Variants in HIVEP2 observed in about 807,000 individuals in gnomAD.
HIVEP2 encodes transcription factor HIVEP2.
HIVEP2 carries 14 observed loss-of-function variants against 180.7 expected under a neutral mutation model. That is an observed-to-expected ratio of 0.08 (90% CI 0.05 to 0.12). The LOEUF is 0.12. Among genes scored for constraint, HIVEP2 ranks in the 10% least tolerant of loss-of-function variants. The pLI is 1.00. For synonymous variants in HIVEP2, 1,184 were observed against 1,136.4 expected (o/e 1.04, Z -0.84); for missense variants, 2,579 against 3,008.5 (o/e 0.86, Z 3.34).
chr6:142,915,364 A>G (rs1182946227), intron 1 of HIVEP2, among the ~76,000 whole-genome samples: 1 of 152,148 alleles, frequency 6.6e-6, no homozygotes, highest in Non-Finnish European at 1.5e-5. Flanking sequence ...TGAGGCAGAG[A>G]CTACAGTAAT....
intron 1 of HIVEP2, among the ~76,000 whole-genome samples, chr6:142,936,340 G>A (rs1456702667): frequency 6.6e-6 from 1 of 151,528 alleles, no homozygotes; most frequent in East Asian, 2.0e-4. Flanking sequence ...CTACAGGCAC[G>A]TGCCACCACA....
chr6:142,868,954 T>C lies in HIVEP2; in HGVS notation c.-640-31907A>G, dbSNP rs75920694. Among the ~76,000 whole-genome samples the C allele has an allele frequency of 5.4e-3, 815 of 152,304 alleles. 4 individuals carry two copies. Among genetic ancestry groups the C allele is most frequent in the East Asian group, 0.02 (106 of 5,192 alleles). On this transcript the variant is annotated intron_variant, in intron 1 of 9. Coordinates refer to ENST00000367603, the MANE Select transcript of HIVEP2 (RefSeq NM_006734.4). ...ATCGATTCAAATTTGTAGAATAATG[T>C]AGATTTAGGTTAGGTAGAAGATTTA... is the stretch of plus-strand genomic sequence containing the variant.
intron 1 of HIVEP2, among the ~76,000 whole-genome samples, chr6:142,867,428 A>G (rs970181562): frequency 1.3e-5 from 2 of 152,212 alleles, no homozygotes; most frequent in African/African-American, 4.8e-5. Context: ...ATAAAAAAGT[A>G]TCTGGCTTGA....
intron 2 of HIVEP2, among the ~76,000 whole-genome samples, chr6:142,831,986 G>A (rs1478374582): frequency 6.6e-6 from 1 of 152,070 alleles, no homozygotes; most frequent in African/African-American, 2.4e-5. Flanking sequence ...GAGGTCAGGA[G>A]TTCAAGACCA....
intron 7 of HIVEP2, among the ~76,000 whole-genome samples, chr6:142,763,590 T>C (rs1225758007): frequency 6.6e-6 from 1 of 152,244 alleles, no homozygotes; most frequent in African/African-American, 2.4e-5. Flanking sequence ...CACACAACTA[T>C]ACCTGCAGCA....
chr6:142,893,810 T>G (rs1000605671), intron 1 of HIVEP2, among the ~76,000 whole-genome samples: 1 of 152,176 alleles, frequency 6.6e-6, no homozygotes, highest in Non-Finnish European at 1.5e-5. Flanking sequence ...CAGCATGTTA[T>G]CCATCCATTA....
intron 1 of HIVEP2, among the ~76,000 whole-genome samples, chr6:142,854,805 A>G (rs1775774763): frequency 6.6e-6 from 1 of 152,140 alleles, no homozygotes; most frequent in Admixed American, 6.5e-5. Context: ...AGGAACATGC[A>G]CACGTTCCTG....
chr6:142,894,608 T>C (rs1489996239), intron 1 of HIVEP2, among the ~76,000 whole-genome samples: 3 of 152,222 alleles, frequency 2.0e-5, no homozygotes, highest in Non-Finnish European at 4.4e-5. Flanking sequence ...ACAACAGAAG[T>C]TATGTTTCAA....
At chr6:142,895,599 C>T (rs1776965910) in intron 1 of HIVEP2, among the ~76,000 whole-genome samples, 1 of 152,138 alleles carries the variant, frequency 6.6e-6, no homozygotes, top group Non-Finnish European at 1.5e-5. Context: ...CCATTGAAGC[C>T]TTTTTCATTT....
At chr6:142,926,887 C>T (rs1254954202) in intron 1 of HIVEP2, among the ~76,000 whole-genome samples, 1 of 152,048 alleles carries the variant, frequency 6.6e-6, no homozygotes, top group Non-Finnish European at 1.5e-5. Flanking sequence ...GGGGGGAGGC[C>T]GAGAGCATTT....
At position 142,849,256 on chromosome 6, in the gene HIVEP2, T is replaced by G. The variant is rs1775589182; in HGVS notation, c.-640-12209A>C. On this transcript the variant is annotated intron_variant, in intron 1 of 9. Coordinates refer to ENST00000367603, the MANE Select transcript of HIVEP2 (RefSeq NM_006734.4). ...AGAGAGGAGGAGTTATTAAGGAAGC[T>G]CTGACAGTGGAGACACTTGCAGTGG... 8.5e-5 allele frequency among the ~76,000 whole-genome samples: 13 copies of G among 152,154 alleles called. 1 individual carries two copies. In the South Asian group the frequency reaches 2.7e-3, roughly 31 times the overall value.
intron 1 of HIVEP2, among the ~76,000 whole-genome samples, chr6:142,913,894 C>A (rs899454606): frequency 6.6e-6 from 1 of 152,194 alleles, no homozygotes; most frequent in Non-Finnish European, 1.5e-5. Flanking sequence ...AGTCCCTGAT[C>A]AGCCGGATCA....
intron 1 of HIVEP2, among the ~76,000 whole-genome samples, chr6:142,888,925 C>T (rs974860594): frequency 2.6e-5 from 4 of 152,184 alleles, no homozygotes; most frequent in Non-Finnish European, 5.9e-5. Flanking sequence ...TTGTAGAAAA[C>T]ATAACTCTGA....
At chr6:142,762,452 GCACACACACACACA>G (rs35168499) in intron 7 of HIVEP2, among the ~76,000 whole-genome samples, 1,674 of 144,116 alleles carry the variant, frequency 0.012, 19 homozygotes, top group African/African-American at 0.016. Flanking sequence ...ACAGAAGAAT[GCACACACACACACA>G]CACACACACA....
intron 2 of HIVEP2, among the ~76,000 whole-genome samples, chr6:142,814,243 C>T (rs78007597): frequency 0.027 from 4,142 of 152,086 alleles, 201 homozygotes; most frequent in African/African-American, 0.093. Context: ...TGCACCAAAG[C>T]ATAAAGAAAC....
Position 142,773,617 on chromosome 6 carries a change from T to A in HIVEP2, c.1122A>T (p.Ser374=). 6.2e-7 allele frequency: 1 copy of A among 1,614,202 alleles called. No individual in the cohort carries two copies. Among genetic ancestry groups the A allele is most frequent in the Non-Finnish European group, 8.5e-7 (1 of 1,180,018 alleles). ...TVKQKLALRL[S]EKKGQDSEPS... ...GCTCAGAATCTTGTCCTTTTTTCTC[T>A]GACAGTCTTAGTGCAAGTTTCTGTT... is the stretch of plus-strand genomic sequence containing the variant. The change falls in exon 5 of 10, where the codon TCA becomes TCT. Residue 374 remains serine, a synonymous_variant. Transcript: ENST00000367603.
chr6:142,790,101 A>G (rs1179862928), intron 2 of HIVEP2, among the ~76,000 whole-genome samples: 1 of 152,182 alleles, frequency 6.6e-6, no homozygotes, highest in Non-Finnish European at 1.5e-5. Flanking sequence ...TAAATATTTT[A>G]AGTAGAGTTA....
At chr6:142,936,882 C>T (rs1177611181) in intron 1 of HIVEP2, among the ~76,000 whole-genome samples, 1 of 150,648 alleles carries the variant, frequency 6.6e-6, no homozygotes, top group Non-Finnish European at 1.5e-5. Context: ...GTGTCTAGAA[C>T]AGCCCTTTCC....
At position 142,773,387 on chromosome 6, in the gene HIVEP2, C is replaced by T; in HGVS notation, c.1352G>A (p.Gly451Asp). 2 of 1,614,202 alleles carry T rather than the reference C, an allele frequency of 1.2e-6. No individual in the cohort carries two copies. Among genetic ancestry groups the T allele is most frequent in the Non-Finnish European group, 1.7e-6 (2 of 1,180,038 alleles). ...TTTSQERAAM[G>D]RKGIMEPLPH... ...TAATGGTTCCATTATGCCCTTCCTA[C>T]CCATTGCGGCACGCTCCTGACTTGT... The change falls in exon 5 of 10, where the codon GGT (glycine) becomes GAT (aspartate). Residue 451 changes from glycine to aspartate, a missense_variant. Physicochemically the swap from Gly to Asp is moderately conservative, Grantham distance 94. Transcript: ENST00000367603.
Sources: gnomAD v4.1 joint callset for allele counts (sites outside exome capture counted in the v4.1 genomes callset) on GRCh38, gnomAD v4.1.1 for gene constraint, MANE v1.5 for transcripts, NCBI Gene and HGNC (gene_info 2026-07-23, HGNC 2026-07-21) for gene names.